Variants in SPIRE2 observed in about 807,000 individuals in gnomAD.
SPIRE2 encodes protein spire homolog 2.
A neutral mutation model predicts 80.7 loss-of-function variants in SPIRE2; 76 were observed. The ratio of observed to expected loss-of-function variants is 0.94; its 90% CI spans 0.78 to 1.14. SPIRE2 has a LOEUF of 1.14. SPIRE2 is among the 50% of genes most tolerant of loss of function. SPIRE2 has a pLI of 0.00. For synonymous variants in SPIRE2, 535 were observed against 432.6 expected (o/e 1.24, Z -2.94); for missense variants, 1,196 against 1,015.3 (o/e 1.18, Z -2.42).
At chr16:89,845,208 C>A in intron 1 of SPIRE2, 114 bp from the exon 2 acceptor site, 1 of 945,430 alleles carries the variant, frequency 1.1e-6, no homozygotes, top group South Asian at 1.4e-5. Context: ...TTCTGGTGTT[C>A]CGGCGGAGAG....
intron 13 of SPIRE2, 46 bp downstream of exon 13, chr16:89,868,262 G>A (rs145015694): frequency 2.5e-6 from 4 of 1,597,450 alleles, no homozygotes; most frequent in African/African-American, 1.3e-5. Context: ...GGCAGATGAG[G>A]GGCTCCACTG....
intron 1 of SPIRE2, among the ~76,000 whole-genome samples, chr16:89,839,957 C>T (rs988635932): frequency 5.3e-5 from 8 of 152,224 alleles, no homozygotes; most frequent in Non-Finnish European, 8.8e-5. Context: ...TAACGCCATG[C>T]GTGAGATTGA....
At chr16:89,854,781 T>C in intron 5 of SPIRE2, 130 bp downstream of exon 5, 2 of 898,176 alleles carry the variant, frequency 2.2e-6, no homozygotes, top group South Asian at 1.6e-5. Flanking sequence ...CTCTCTGTGC[T>C]GGGTACTGGG....
chr16:89,847,731 T>G (rs2041576903), intron 2 of SPIRE2, among the ~76,000 whole-genome samples: 1 of 151,796 alleles, frequency 6.6e-6, no homozygotes, highest in African/African-American at 2.4e-5. Flanking sequence ...TGTGGGCGGG[T>G]GGAGGTGGGA....
In SPIRE2 at chr16:89,850,649, G is replaced by C. The variant is rs2041616513; in HGVS notation, c.634G>C (p.Glu212Gln). 3 of 1,493,386 alleles carry C rather than the reference G, an allele frequency of 2.0e-6. No homozygotes were observed. The African/African-American group carries it at 4.2e-5, about 21-fold the overall frequency. 92.5% of individuals were successfully genotyped at this position (1,493,386 alleles called of 1,614,324 possible). A position where few individuals can be genotyped will look rare whatever the true frequency, so the allele number is the denominator to read the frequency against. ...ELRAFLARVR[E>Q]AKEMLQKLRE... ...GCGGGCCTTCCTGGCCAGGGTCCGGGAGGCCAAGGAGGTGAGCGGTGGGTG... is the reference window on the plus strand; with the variant it reads ...GCGGGCCTTCCTGGCCAGGGTCCGGCAGGCCAAGGAGGTGAGCGGTGGGTG... The change falls in exon 3 of 15, where the codon GAG (glutamate) becomes CAG (glutamine). Residue 212 changes from glutamate (E) to glutamine (Q), a missense_variant. Coordinates refer to ENST00000378247, the MANE Select transcript of SPIRE2 (RefSeq NM_032451.2).
At chr16:89,837,691 C>T (rs1015504074) in intron 1 of SPIRE2, among the ~76,000 whole-genome samples, 8 of 151,530 alleles carry the variant, frequency 5.3e-5, no homozygotes, top group South Asian at 4.2e-4. Flanking sequence ...CTCGGGTCTC[C>T]GCACGCACCT....
intron 1 of SPIRE2, among the ~76,000 whole-genome samples, chr16:89,832,662 C>T (rs1486235007): frequency 6.6e-6 from 1 of 152,130 alleles, no homozygotes; most frequent in African/African-American, 2.4e-5. Flanking sequence ...CTATTGCACC[C>T]TGGGAGGAGA....
chr16:89,868,033 GA>G (rs1298726798), intron 12 of SPIRE2, among the ~76,000 whole-genome samples, 155 bp from the exon 13 acceptor site: 4 of 152,226 alleles, frequency 2.6e-5, no homozygotes, highest in African/African-American at 4.8e-5. Flanking sequence ...AGAAAAGCAA[GA>G]TTTTGGAGTA....
At chr16:89,842,234 A>T (rs1452907239) in intron 1 of SPIRE2, among the ~76,000 whole-genome samples, 3 of 34,318 alleles carry the variant, frequency 8.7e-5, no homozygotes, top group Non-Finnish European at 8.4e-5. Flanking sequence ...TTTTTTTGTG[A>T]CGGAGTCTCA....
At chr16:89,865,400 G>A (rs1440334499) in intron 12 of SPIRE2, among the ~76,000 whole-genome samples, 2 of 152,088 alleles carry the variant, frequency 1.3e-5, no homozygotes, top group Non-Finnish European at 2.9e-5. Context: ...ATTACTTAAA[G>A]GTAGACTGTG....
chr16:89,859,945 G>T (rs1366361188), intron 9 of SPIRE2, among the ~76,000 whole-genome samples: 1 of 152,304 alleles, frequency 6.6e-6, no homozygotes, highest in East Asian at 1.9e-4. Flanking sequence ...GGACAATCGT[G>T]TTTGGTGCTT....
chr16:89,856,137 T>C lies in SPIRE2; in HGVS notation c.1003T>C (p.Leu335=), dbSNP rs776027793. The change falls in exon 7 of 15, where the codon TTG becomes CTG. Residue 335 remains leucine (L), a synonymous_variant. Coordinates refer to ENST00000378247, the MANE Select transcript of SPIRE2 (RefSeq NM_032451.2). ...GGTCTCTGAGAGGCGGCTGCGCCCG[T>C]TGCCACCAAAGCAAAGGTCCCTGCA... ...KQVSERRLRP[L]PPKQRSLHEK... is the part of the protein sequence containing the mutation. 16 of 1,611,494 alleles carry C rather than the reference T, an allele frequency of 9.9e-6. No homozygotes were observed. Among genetic ancestry groups the C allele is most frequent in the Non-Finnish European group, 1.4e-5 (16 of 1,179,528 alleles).
intron 9 of SPIRE2, among the ~76,000 whole-genome samples, chr16:89,860,208 T>G (rs977629815): frequency 1.3e-5 from 2 of 152,176 alleles, no homozygotes; most frequent in African/African-American, 2.4e-5. Context: ...CTGTGGACCC[T>G]CTATACCACA....
intron 1 of SPIRE2, chr16:89,836,539 G>A (rs537950909): frequency 2.1e-5 from 5 of 236,010 alleles, no homozygotes; most frequent in Admixed American, 1.4e-4. Flanking sequence ...AGCCTGTGTG[G>A]TATTAAGCAG....
At chr16:89,854,256 C>A (rs770030926) in intron 3 of SPIRE2, 30 bp from the exon 4 acceptor site, 1 of 1,605,478 alleles carries the variant, frequency 6.2e-7, no homozygotes, top group South Asian at 1.1e-5. Flanking sequence ...CTCGTACCTC[C>A]CCTGGACTGA....
chr16:89,851,120 C>T (rs1252092061), intron 3 of SPIRE2, among the ~76,000 whole-genome samples: 2 of 152,184 alleles, frequency 1.3e-5, no homozygotes, highest in African/African-American at 4.8e-5. Flanking sequence ...CACGCCTGGC[C>T]TCACACTTTC....
intron 2 of SPIRE2, among the ~76,000 whole-genome samples, chr16:89,848,332 C>T (rs529405861): frequency 2.6e-5 from 4 of 152,358 alleles, no homozygotes; most frequent in South Asian, 4.1e-4. Flanking sequence ...GTGTCTTGCC[C>T]GCCTACAGCA....
rs1398469727 is a variant in SPIRE2, at chr16:89,860,711, C to T, written c.1491C>T (p.Pro497=). The change falls in exon 10 of 15, where the codon CCC becomes CCT. Residue 497 remains proline (P), a synonymous_variant. Coordinates refer to ENST00000378247, the MANE Select transcript of SPIRE2 (RefSeq NM_032451.2). ...QGTCPASVSD[P]SHPLLSNRGS... is the part of the protein sequence containing the mutation. ...CCTGTCCCGCGAGTGTCTCTGACCC[C>T]AGCCACCCCCTACTCAGCAACCGGG... 4.4e-6 allele frequency: 7 copies of T among 1,592,314 alleles called. No individual in the cohort carries two copies. Among genetic ancestry groups the T allele is most frequent in the African/African-American group, 4.0e-5 (3 of 74,300 alleles).
chr16:89,838,922 G>C (rs994469003), intron 1 of SPIRE2, among the ~76,000 whole-genome samples: 2 of 151,760 alleles, frequency 1.3e-5, no homozygotes, highest in African/African-American at 4.8e-5. Context: ...TAGAGACGGG[G>C]TTTCACCATG....
Sources: gnomAD v4.1 joint callset for allele counts (sites outside exome capture counted in the v4.1 genomes callset) on GRCh38, gnomAD v4.1.1 for gene constraint, MANE v1.5 for transcripts, NCBI Gene and HGNC (gene_info 2026-07-23, HGNC 2026-07-21) for gene names.